Variants in TMC1 observed in about 807,000 individuals in gnomAD.
TMC1 encodes transmembrane channel like 1, also known as transmembrane channel-like protein 1.
In TMC1, 84 loss-of-function variants were observed where a neutral mutation model predicts 105.8. That is an observed-to-expected ratio of 0.79 (90% CI 0.67 to 0.95). TMC1 has a LOEUF of 0.95. Ranked by LOEUF, TMC1 falls within the 40% of genes least tolerant of loss-of-function variation. The pLI is 0.00. For missense variants in TMC1, 817 were observed against 914.1 expected, an observed-to-expected ratio of 0.89 and a Z score of 1.37; for synonymous variants, 315 against 311.5, an observed-to-expected ratio of 1.01 and a Z score of -0.12.
At chr9:72,753,030 C>T (rs1018249307) in intron 11 of TMC1, among the ~76,000 whole-genome samples, 13 of 152,146 alleles carry the variant, frequency 8.5e-5, no homozygotes, top group Admixed American at 6.5e-4. Flanking sequence ...TGTGACTTAG[C>T]TAACATCTTG....
intron 13 of TMC1, among the ~76,000 whole-genome samples, chr9:72,784,434 CAAAA>C (rs1269366040): frequency 1.4e-5 from 2 of 140,458 alleles, no homozygotes; most frequent in Middle Eastern, 3.6e-3. Flanking sequence ...AACAAACAAA[CAAAA>C]AACAGATGCT....
intron 8 of TMC1, among the ~76,000 whole-genome samples, chr9:72,702,401 G>A (rs749970178): frequency 4.6e-5 from 7 of 151,986 alleles, no homozygotes; most frequent in East Asian, 1.9e-4. Context: ...ACATTTGATC[G>A]AGTTGTGTAG....
At chr9:72,725,329 A>ATATATG (rs1484371608) in intron 8 of TMC1, among the ~76,000 whole-genome samples, 3 of 74,924 alleles carry the variant, frequency 4.0e-5, no homozygotes, top group Admixed American at 3.9e-4. Context: ...GTGTATGTAT[A>ATATATG]TATATATATA....
At chr9:72,590,683 A>G (rs1824624624) in intron 2 of TMC1, among the ~76,000 whole-genome samples, 2 of 152,214 alleles carry the variant, frequency 1.3e-5, no homozygotes, top group South Asian at 2.1e-4. Flanking sequence ...CATGAATCCA[A>G]GAGTCACCAA....
chr9:72,537,588 A>G (rs1412895885), intron 1 of TMC1, among the ~76,000 whole-genome samples: 1 of 152,224 alleles, frequency 6.6e-6, no homozygotes, highest in Non-Finnish European at 1.5e-5. Context: ...GCGATGGTTA[A>G]GGACCATGGC....
At chr9:72,648,091 C>T (rs1825743646) in intron 4 of TMC1, among the ~76,000 whole-genome samples, 1 of 152,146 alleles carries the variant, frequency 6.6e-6, no homozygotes, top group Non-Finnish European at 1.5e-5. Context: ...CCCCAGGTTT[C>T]CCGTTATTGG....
chr9:72,601,763 C>T (rs774085961), intron 2 of TMC1, among the ~76,000 whole-genome samples: 3 of 152,178 alleles, frequency 2.0e-5, no homozygotes, highest in Non-Finnish European at 4.4e-5. Context: ...GAATTGCTCA[C>T]GCCTGGGCCT....
intron 18 of TMC1, chr9:72,808,939 T>C (rs1015160434): frequency 6.6e-6 from 1 of 152,242 alleles, no homozygotes; most frequent in African/African-American, 2.4e-5. Flanking sequence ...TCACCCTCAT[T>C]GAAAGTGCCT....
chr9:72,534,850 A>G (rs1374166285), intron 1 of TMC1, among the ~76,000 whole-genome samples: 1 of 152,208 alleles, frequency 6.6e-6, no homozygotes, highest in Non-Finnish European at 1.5e-5. Context: ...AAACCCAATA[A>G]TGTAGTTGGC....
chr9:72,546,564 A>T (rs2132068479), intron 1 of TMC1, among the ~76,000 whole-genome samples: 1 of 152,254 alleles, frequency 6.6e-6, no homozygotes, highest in East Asian at 1.9e-4. Flanking sequence ...GTAAATGGCC[A>T]TTTCCTTATA....
At chr9:72,723,165 T>A (rs1330624995) in intron 8 of TMC1, among the ~76,000 whole-genome samples, 1 of 152,204 alleles carries the variant, frequency 6.6e-6, no homozygotes, top group Non-Finnish European at 1.5e-5. Context: ...TATCCCAGTT[T>A]TTTAAACTAA....
At chr9:72,835,822 T>C in intron 23 of TMC1, 129 bp from the exon 24 acceptor site, 2 of 964,704 alleles carry the variant, frequency 2.1e-6, no homozygotes, top group Non-Finnish European at 3.1e-6. Context: ...ATTTGGACAA[T>C]ACAGATTTCT....
intron 7 of TMC1, 118 bp from the exon 8 acceptor site, chr9:72,700,400 T>G: frequency 1.4e-6 from 1 of 731,078 alleles, no homozygotes; most frequent in Non-Finnish European, 2.2e-6. Flanking sequence ...GTCCTAATGT[T>G]GACTGCATAT....
At chr9:72,712,279 A>G (rs1478633030) in intron 8 of TMC1, among the ~76,000 whole-genome samples, 1 of 152,194 alleles carries the variant, frequency 6.6e-6, no homozygotes, top group East Asian at 1.9e-4. Context: ...TATGAAATGT[A>G]AAGTAGTTTT....
At chr9:72,738,415 C>T (rs1397755968) in intron 8 of TMC1, among the ~76,000 whole-genome samples, 1 of 148,772 alleles carries the variant, frequency 6.7e-6, no homozygotes, top group Non-Finnish European at 1.5e-5. Flanking sequence ...CCCACTGACC[C>T]TTCTTTTTTT....
chr9:72,749,692 A>T (rs1455847420), intron 10 of TMC1, among the ~76,000 whole-genome samples: 12 of 152,222 alleles, frequency 7.9e-5, no homozygotes, highest in Non-Finnish European at 1.6e-4. Flanking sequence ...GTGAGCATAA[A>T]GAAAAATATT....
chr9:72,645,620 C>T (rs965748260), intron 4 of TMC1, among the ~76,000 whole-genome samples: 3 of 152,142 alleles, frequency 2.0e-5, no homozygotes, highest in Non-Finnish European at 2.9e-5. Flanking sequence ...AGCAGAAAAA[C>T]GTCTGGCAAA....
At position 72,628,718 on chromosome 9, in the gene TMC1, A is replaced by G. The variant is rs115293941; in HGVS notation, c.-53+655A>G. On this transcript the variant is annotated intron_variant, in intron 4 of 23. Coordinates refer to ENST00000297784, the MANE Select transcript of TMC1 (RefSeq NM_138691.3). ...TCTCTAAATACTTCAAGCAAAATTA[A>G]TGAGGCAAACAAAAAAAATTAGGTA... Among the ~76,000 whole-genome samples the G allele has an allele frequency of 3.6e-3, 555 of 152,364 alleles. 2 individuals carry two copies. Among genetic ancestry groups the G allele is most frequent in the African/African-American group, 0.013 (539 of 41,574 alleles).
At chr9:72,571,985 T>C (rs7850113) in intron 1 of TMC1, among the ~76,000 whole-genome samples, 87,313 of 151,592 alleles carry the variant, frequency 0.58, 26,889 homozygotes, top group African/African-American at 0.81. Context: ...TACAGGCATG[T>C]ACTACCACAC....
Sources: gnomAD v4.1 joint callset for allele counts (sites outside exome capture counted in the v4.1 genomes callset) on GRCh38, gnomAD v4.1.1 for gene constraint, MANE v1.5 for transcripts, NCBI Gene and HGNC (gene_info 2026-07-23, HGNC 2026-07-21) for gene names.